Variants in SGCG observed in about 807,000 individuals in gnomAD.
SGCG encodes the protein gamma-sarcoglycan.
Under a neutral mutation model 29.3 loss-of-function variants are expected in SGCG, and 26 were observed. The observed-to-expected ratio is 0.89, with a 90% CI of 0.65 to 1.23. The LOEUF (loss-of-function observed/expected upper bound fraction) is 1.23. Among genes scored for constraint, SGCG ranks in the 50% most tolerant of loss-of-function variants. The pLI is 0.00. For missense variants in SGCG, 353 were observed against 356.0 expected, an observed-to-expected ratio of 0.99 and a Z score of 0.07; for synonymous variants, 145 against 129.7, an observed-to-expected ratio of 1.12 and a Z score of -0.80.
Position 23,215,802 on chromosome 13 carries a change from A to T in SGCG, c.195+11913A>T, listed in dbSNP as rs868489411. ...TGTTAATAGAGTAAGCTGAGAGTTAAAAAAAAAAAAACTAAAACAAAGACA... is the reference window on the plus strand; with the variant it reads ...TGTTAATAGAGTAAGCTGAGAGTTATAAAAAAAAAAACTAAAACAAAGACA... On this transcript the variant is annotated intron_variant, in intron 2 of 7. Coordinates refer to ENST00000218867, the MANE Select transcript of SGCG (RefSeq NM_000231.3). 1.2e-4 allele frequency among the ~76,000 whole-genome samples: 8 copies of T among 68,878 alleles called. No individual in the cohort carries two copies. In the East Asian group the frequency reaches 1.2e-3, roughly 10 times the overall value. The allele number at this position is 68,878 out of a possible 152,430, so 45.2% of individuals were successfully genotyped here. A position where few individuals can be genotyped will look rare whatever the true frequency, so the allele number is the denominator to read the frequency against.
chr13:23,163,554 G>A, the SGCG span, among the ~76,000 whole-genome samples: 1 of 152,120 alleles, frequency 6.6e-6, no homozygotes, highest in Non-Finnish European at 1.5e-5. Flanking sequence ...ATGTGGGCTT[G>A]GTTGCTTCAG....
chr13:23,260,053 A>G (rs1031835882), intron 4 of SGCG, among the ~76,000 whole-genome samples: 6 of 152,292 alleles, frequency 3.9e-5, no homozygotes, highest in African/African-American at 1.4e-4. Flanking sequence ...GTAGATGTCT[A>G]TTAGGTCAGG....
intron 5 of SGCG, among the ~76,000 whole-genome samples, chr13:23,294,529 G>A (rs4418912): frequency 0.091 from 13,786 of 152,158 alleles, 685 homozygotes; most frequent in South Asian, 0.13. Context: ...ATTTTCCTAT[G>A]TGAAAATAGG....
chr13:23,160,663 C>T, the SGCG span, among the ~76,000 whole-genome samples: 4 of 152,272 alleles, frequency 2.6e-5, no homozygotes, highest in South Asian at 4.1e-4. Flanking sequence ...AGAATAGCCA[C>T]GGCCCGCCAC....
the SGCG span, among the ~76,000 whole-genome samples, chr13:23,167,021 C>T: frequency 6.6e-6 from 1 of 152,104 alleles, no homozygotes; most frequent in Non-Finnish European, 1.5e-5. Flanking sequence ...TATTTTTTAA[C>T]CCATTATCCA....
intron 5 of SGCG, among the ~76,000 whole-genome samples, chr13:23,293,859 C>G (rs1402166607): frequency 2.6e-5 from 4 of 151,350 alleles, no homozygotes; most frequent in Non-Finnish European, 5.9e-5. Context: ...TTAGTAAGGG[C>G]TGCTCAAAAG....
intron 1 of SGCG, among the ~76,000 whole-genome samples, chr13:23,186,094 C>T (rs773392998): frequency 3.9e-5 from 6 of 152,108 alleles, no homozygotes; most frequent in Non-Finnish European, 8.8e-5. Context: ...TCCCTCCCAC[C>T]GCCTTCACCT....
intron 6 of SGCG, 84 bp from the exon 7 acceptor site, chr13:23,320,550 ATTT>A: frequency 8.7e-7 from 1 of 1,144,248 alleles, no homozygotes; most frequent in Non-Finnish European, 1.3e-6. Flanking sequence ...TACTAGTTAT[ATTT>A]CCCATGCTAA....
At position 23,193,517 on chromosome 13, in the gene SGCG, C is replaced by T. The variant is rs114825089; in HGVS notation, c.1-10178C>T. 7.7e-3 allele frequency among the ~76,000 whole-genome samples: 1,043 copies of T among 135,362 alleles called. 13 individuals carry two copies. Among genetic ancestry groups the T allele is most frequent in the African/African-American group, 0.026 (979 of 38,276 alleles). The allele number at this position is 135,362 out of a possible 152,430, so 88.8% of individuals were successfully genotyped here. A position where few individuals can be genotyped will look rare whatever the true frequency, so the allele number is the denominator to read the frequency against. ...AGGCAGGGCTTGCTGATGAAGTAGA[C>T]GTGAGGTGGCAGAGAGATTGTGATG... On this transcript the variant is annotated intron_variant, in intron 1 of 7. Transcript: ENST00000218867.
chr13:23,265,280 T>C (rs1050426454), intron 4 of SGCG, among the ~76,000 whole-genome samples: 3 of 151,890 alleles, frequency 2.0e-5, no homozygotes, highest in Non-Finnish European at 2.9e-5. Context: ...ATAATATCAT[T>C]AAAAAGTAGG....
intron 1 of SGCG, among the ~76,000 whole-genome samples, chr13:23,186,858 AT>A (rs924095489): frequency 6.6e-6 from 1 of 152,160 alleles, no homozygotes; most frequent in African/African-American, 2.4e-5. Context: ...TGGATCACAC[AT>A]TCTGTAAGTT....
chr13:23,164,993 C>T, the SGCG span, among the ~76,000 whole-genome samples: 2 of 152,286 alleles, frequency 1.3e-5, no homozygotes, highest in African/African-American at 4.8e-5. Context: ...CTCCTGTGGC[C>T]CTCCCCTCCC....
chr13:23,274,395 C>CTT (rs869153381), intron 4 of SGCG, among the ~76,000 whole-genome samples: 6,141 of 85,294 alleles, frequency 0.072, 366 homozygotes, highest in African/African-American at 0.099. Context: ...CTTTCTTTCT[C>CTT]TTTTTTTTTT....
intron 2 of SGCG, among the ~76,000 whole-genome samples, chr13:23,220,485 A>G (rs9507053): frequency 0.77 from 117,224 of 151,856 alleles, 45,416 homozygotes; most frequent in East Asian, 0.92. Flanking sequence ...AATAAATACA[A>G]GAATATATTT....
intron 6 of SGCG, among the ~76,000 whole-genome samples, chr13:23,296,401 ATC>A (rs1881911030): frequency 6.6e-6 from 1 of 152,206 alleles, no homozygotes; most frequent in South Asian, 2.1e-4. Flanking sequence ...CATTTAGTGT[ATC>A]TCTTTTTTAA....
At chr13:23,179,102 T>A (rs1251195246), upstream of SGCG, among the ~76,000 whole-genome samples, 1 of 152,202 alleles carries the variant, frequency 6.6e-6, no homozygotes, top group Non-Finnish European at 1.5e-5. Flanking sequence ...GAACAAATTA[T>A]TTTACACCTA....
chr13:23,295,634 T>C, intron 6 of SGCG, 147 bp downstream of exon 6: 1 of 693,796 alleles, frequency 1.4e-6, no homozygotes, highest in South Asian at 1.6e-5. Context: ...TATAACTAGA[T>C]AGTATTTATT....
chr13:23,234,498 G>GA, intron 2 of SGCG, 113 bp from the exon 3 acceptor site: 1 of 739,008 alleles, frequency 1.4e-6, no homozygotes. Flanking sequence ...GAGAAATGCA[G>GA]AAAAGGTGGT....
intron 1 of SGCG, among the ~76,000 whole-genome samples, chr13:23,186,225 C>T (rs1388901219): frequency 1.3e-5 from 2 of 152,200 alleles, no homozygotes; most frequent in Non-Finnish European, 2.9e-5. Flanking sequence ...TAACCAGTCC[C>T]AATGCACTTG....
Sources: allele counts gnomAD v4.1 joint callset (sites outside exome capture counted in the v4.1 genomes callset), GRCh38; gene constraint gnomAD v4.1.1; transcripts MANE v1.5; gene names NCBI Gene and HGNC (gene_info 2026-07-23, HGNC 2026-07-21).